Variants in ZC3H12B observed in about 807,000 individuals in gnomAD.
ZC3H12B encodes the protein zinc finger CCCH-type containing 12B.
ZC3H12B carries 7 observed loss-of-function variants against 43.9 expected under a neutral mutation model. The ratio of observed to expected loss-of-function variants is 0.16; its 90% confidence interval spans 0.09 to 0.30. The LOEUF is 0.30. Among genes scored for constraint, ZC3H12B ranks in the 10% least tolerant of loss-of-function variants. ZC3H12B has a pLI of 1.00. For synonymous variants in ZC3H12B, 222 were observed against 241.7 expected (o/e 0.92, Z 0.76); for missense variants, 475 against 670.2 (o/e 0.71, Z 3.22).
the ZC3H12B span, among the ~76,000 whole-genome samples, chrX:65,058,905 G>A: frequency 7.1e-5 from 8 of 112,320 alleles, no homozygotes; most frequent in South Asian, 3.7e-4. Flanking sequence ...CTGGTGTGCC[G>A]TTTGCTAAGA....
chrX:65,273,953 T>C, the ZC3H12B span, among the ~76,000 whole-genome samples: 1 of 112,266 alleles, frequency 8.9e-6, no homozygotes, highest in Non-Finnish European at 1.9e-5. Context: ...CAGCAATTAA[T>C]AAACAGCTAA....
the ZC3H12B span, among the ~76,000 whole-genome samples, chrX:65,298,392 A>G: frequency 8.9e-6 from 1 of 112,243 alleles, no homozygotes; most frequent in African/African-American, 3.2e-5. Flanking sequence ...GATGCAGTAA[A>G]AGAAGTGATT....
chrX:65,498,225 G>T lies in ZC3H12B; in HGVS notation c.749-774G>T, dbSNP rs192287094. On this transcript the variant is annotated intron_variant, in intron 2 of 4. Transcript: ENST00000338957. ...CAGCCAATATTTAACATTTCTTATG[G>T]AGGAAGGAGCCTAGGAAAGCAAAAA... 3.6e-5 allele frequency among the ~76,000 whole-genome samples: 4 copies of T among 111,833 alleles called. No homozygotes were observed. The South Asian group carries it at 1.1e-3, about 31-fold the overall frequency.
At chrX:65,329,809 C>A in the ZC3H12B span, among the ~76,000 whole-genome samples, 2 of 111,374 alleles carry the variant, frequency 1.8e-5, no homozygotes, top group Admixed American at 9.5e-5. Flanking sequence ...ATAGGGAATC[C>A]TTTCCCCATT....
chrX:65,145,987 C>A, the ZC3H12B span, among the ~76,000 whole-genome samples: 1 of 111,470 alleles, frequency 9.0e-6, no homozygotes. Flanking sequence ...CAATGAATTT[C>A]CCAGGTGTTC....
At chrX:65,040,825 C>T in the ZC3H12B span, among the ~76,000 whole-genome samples, 1 of 111,361 alleles carries the variant, frequency 9.0e-6, no homozygotes, top group African/African-American at 3.3e-5. Flanking sequence ...CACTCTGTTC[C>T]CCAGGCTGGA....
the ZC3H12B span, among the ~76,000 whole-genome samples, chrX:65,273,764 T>A: frequency 2.7e-5 from 3 of 111,280 alleles, no homozygotes; most frequent in Non-Finnish European, 3.8e-5. Context: ...AGCAGAAACA[T>A]TGCAAAACAT....
the ZC3H12B span, among the ~76,000 whole-genome samples, chrX:65,204,333 A>G: frequency 8.9e-6 from 1 of 111,902 alleles, no homozygotes; most frequent in Non-Finnish European, 1.9e-5. Flanking sequence ...TTTCATCTGA[A>G]TTATTCTATT....
intron 2 of ZC3H12B, among the ~76,000 whole-genome samples, chrX:65,376,555 C>A (rs751881710): frequency 2.8e-4 from 31 of 111,727 alleles, no homozygotes; most frequent in African/African-American, 9.7e-4. Flanking sequence ...CGACACCTAG[C>A]TCCAAGCAGC....
At chrX:65,041,375 G>A in the ZC3H12B span, among the ~76,000 whole-genome samples, 1 of 111,696 alleles carries the variant, frequency 9.0e-6, no homozygotes, top group Non-Finnish European at 1.9e-5. Flanking sequence ...CAGCATTGGA[G>A]CTTTTTTACT....
In ZC3H12B at chrX:65,465,320, C is replaced by A. The variant is rs1250632241; in HGVS notation, n.408-23326C>A. Among the ~76,000 whole-genome samples, 3 of 111,351 alleles carry A rather than the reference C, an allele frequency of 2.7e-5. No individual in the cohort carries two copies. In the East Asian group the frequency reaches 8.3e-4, roughly 31 times the overall value. On this transcript the variant is annotated intron_variant and non_coding_transcript_variant, in intron 3 of 5. Transcript: ENST00000617377. The stretch of plus-strand genomic sequence containing the variant: ...TATATATTTATAATTTCATTGTCTT[C>A]TTGACTGGTTGATCCATTTATGATT...
the ZC3H12B span, among the ~76,000 whole-genome samples, chrX:65,333,734 G>C: frequency 1.8e-5 from 2 of 111,405 alleles, no homozygotes; most frequent in Non-Finnish European, 3.8e-5. Flanking sequence ...TTCTATAGTT[G>C]ATTATGAAAC....
the ZC3H12B span, among the ~76,000 whole-genome samples, chrX:65,251,974 T>C: frequency 3.1e-4 from 35 of 111,880 alleles, no homozygotes; most frequent in African/African-American, 1.1e-3. Flanking sequence ...AACACTATGT[T>C]GAATAGGAGT....
chrX:65,046,799 G>A, the ZC3H12B span, among the ~76,000 whole-genome samples: 2 of 111,397 alleles, frequency 1.8e-5, no homozygotes, highest in South Asian at 3.8e-4. Context: ...AGTGAGGGAT[G>A]TGCTACTCTT....
At chrX:65,456,657 T>C in intron 3 of ZC3H12B, among the ~76,000 whole-genome samples, 1 of 106,940 alleles carries the variant, frequency 9.4e-6, no homozygotes, top group Non-Finnish European at 1.9e-5. Flanking sequence ...TTGGCCGGGC[T>C]GGTCTCCAGC....
At chrX:65,370,757 A>G (rs2066233858) in intron 2 of ZC3H12B, among the ~76,000 whole-genome samples, 1 of 111,888 alleles carries the variant, frequency 8.9e-6, no homozygotes, top group Admixed American at 9.5e-5. Context: ...AAAGTAATCT[A>G]CCACCAAGGA....
the ZC3H12B span, among the ~76,000 whole-genome samples, chrX:65,071,063 G>A: frequency 1.1e-3 from 123 of 107,891 alleles, no homozygotes; most frequent in African/African-American, 3.7e-3. Flanking sequence ...TTGAAGTGTC[G>A]CACTATTATT....
intron 3 of ZC3H12B, among the ~76,000 whole-genome samples, chrX:65,468,617 G>A (rs945820821): frequency 9.7e-6 from 1 of 103,192 alleles, no homozygotes; most frequent in Non-Finnish European, 2.0e-5. Flanking sequence ...CTGAGTAGCT[G>A]GGACTACAGG....
chrX:65,421,416 T>G (rs563008645), intron 3 of ZC3H12B, among the ~76,000 whole-genome samples: 3 of 112,190 alleles, frequency 2.7e-5, no homozygotes, highest in South Asian at 7.4e-4. Context: ...CCCTGAGTCC[T>G]CAGTACAGCA....
Sources: allele counts gnomAD v4.1 joint callset (sites outside exome capture counted in the v4.1 genomes callset), GRCh38; gene constraint gnomAD v4.1.1; transcripts MANE v1.5; gene names NCBI Gene and HGNC (gene_info 2026-07-23, HGNC 2026-07-21).